Variants in TRPM3 observed in about 807,000 individuals in gnomAD.
The protein encoded by TRPM3 is transient receptor potential cation channel subfamily M member 3, also known as long transient receptor potential channel 3.
Under a neutral mutation model 181.2 loss-of-function variants are expected in TRPM3, and 77 were observed. The observed-to-expected ratio is 0.42, with a 90% CI of 0.35 to 0.51. The LOEUF (loss-of-function observed/expected upper bound fraction) is 0.51. Ranked by LOEUF, TRPM3 falls within the 20% of genes least tolerant of loss-of-function variation. The probability of loss-of-function intolerance (pLI) is 0.01; values close to 1 mark genes in which losing one functional copy is unlikely to be tolerated. For missense variants in TRPM3, 1,759 were observed against 2,196.7 expected (o/e 0.80, Z 3.98); for synonymous variants, 745 against 796.4 (o/e 0.94, Z 1.09).
chr9:71,341,989 A>T (rs1207727732), intron 1 of TRPM3, among the ~76,000 whole-genome samples: 5 of 151,826 alleles, frequency 3.3e-5, no homozygotes, highest in Admixed American at 1.3e-4. Context: ...TGAGCAAAAG[A>T]CAGGAACAAT....
At chr9:70,605,881 C>T (rs1189482443) in intron 19 of TRPM3, among the ~76,000 whole-genome samples, 1 of 152,198 alleles carries the variant, frequency 6.6e-6, no homozygotes, top group African/African-American at 2.4e-5. Flanking sequence ...ATTATCTTCT[C>T]TTGTCATATG....
At chr9:71,151,540 C>A (rs1019954146) in intron 1 of TRPM3, among the ~76,000 whole-genome samples, 1 of 151,884 alleles carries the variant, frequency 6.6e-6, no homozygotes, top group South Asian at 2.1e-4. Context: ...CTATGAAGGG[C>A]AATTTGGCCA....
chr9:71,191,509 T>C (rs1033915737), intron 1 of TRPM3, among the ~76,000 whole-genome samples: 1 of 151,742 alleles, frequency 6.6e-6, no homozygotes, highest in Admixed American at 6.6e-5. Context: ...TTGTCGTCCT[T>C]CTTTTTCATT....
chr9:70,828,486 T>C (rs2093688773), intron 5 of TRPM3, among the ~76,000 whole-genome samples: 1 of 151,658 alleles, frequency 6.6e-6, no homozygotes, highest in Non-Finnish European at 1.5e-5. Flanking sequence ...GTCAATCTCA[T>C]TCAGTAATTT....
At chr9:70,690,684 A>C (rs982880419) in intron 8 of TRPM3, among the ~76,000 whole-genome samples, 1 of 152,188 alleles carries the variant, frequency 6.6e-6, no homozygotes, top group Non-Finnish European at 1.5e-5. Flanking sequence ...ATAATTTGAA[A>C]TAATGCAGCA....
At chr9:70,802,047 A>G (rs1435309017) in intron 6 of TRPM3, among the ~76,000 whole-genome samples, 1 of 152,196 alleles carries the variant, frequency 6.6e-6, no homozygotes, top group Non-Finnish European at 1.5e-5. Context: ...ATAAGACCTG[A>G]GAATGTACAT....
chr9:71,375,090 A>T (rs1420256664), intron 1 of TRPM3, among the ~76,000 whole-genome samples: 1 of 152,180 alleles, frequency 6.6e-6, no homozygotes. Context: ...AGAAAAAACT[A>T]TTTTAATATT....
At chr9:71,157,746 AC>A (rs2076078722) in intron 1 of TRPM3, among the ~76,000 whole-genome samples, 1 of 152,156 alleles carries the variant, frequency 6.6e-6, no homozygotes, top group Admixed American at 6.6e-5. Context: ...CATTTAACTG[AC>A]AATATTTGAC....
chr9:71,057,503 G>A (rs187126390), intron 1 of TRPM3, among the ~76,000 whole-genome samples: 249 of 152,104 alleles, frequency 1.6e-3, no homozygotes, highest in Non-Finnish European at 1.8e-3. Context: ...TTCTATAGGT[G>A]TGCCATTGTG....
At chr9:71,068,300 T>G (rs1414634906) in intron 1 of TRPM3, among the ~76,000 whole-genome samples, 2 of 152,208 alleles carry the variant, frequency 1.3e-5, no homozygotes, top group Admixed American at 6.5e-5. Flanking sequence ...CTTATTTATA[T>G]GCTAATTTGC....
At chr9:70,824,971 C>G (rs2093459646) in intron 6 of TRPM3, 1 of 152,164 alleles carries the variant, frequency 6.6e-6, no homozygotes, top group Non-Finnish European at 1.5e-5. Flanking sequence ...CCTGCTTTAC[C>G]TACTTCAAAG....
At chr9:70,752,171 G>T (rs1413222035) in intron 8 of TRPM3, among the ~76,000 whole-genome samples, 1 of 152,140 alleles carries the variant, frequency 6.6e-6, no homozygotes, top group Non-Finnish European at 1.5e-5. Flanking sequence ...AGTGTGACTT[G>T]CCCTATCATA....
intron 8 of TRPM3, among the ~76,000 whole-genome samples, chr9:70,683,873 A>AC (rs1412385609): frequency 3.3e-5 from 5 of 152,184 alleles, no homozygotes; most frequent in Non-Finnish European, 5.9e-5. Flanking sequence ...TGGAGAAAGA[A>AC]CCAGGGGACA....
intron 11 of TRPM3, among the ~76,000 whole-genome samples, chr9:70,635,918 G>A (rs1249244775): frequency 3.9e-5 from 6 of 152,124 alleles, no homozygotes; most frequent in Admixed American, 6.5e-5. Flanking sequence ...TTTTGCAGCC[G>A]GGGGCTGGGA....
chr9:71,306,950 T>C lies in TRPM3; in HGVS notation c.183+139703A>G, dbSNP rs1240114236. ...ATTGTTCCTTATGTATCACTGTTAC[T>C]ATCTGTAAAATATCTTTGACATTAC... On this transcript the variant is annotated intron_variant, in intron 1 of 24. Coordinates refer to the TRPM3 transcript ENST00000357533. Among the ~76,000 whole-genome samples, 3 of 152,270 alleles carry C rather than the reference T, an allele frequency of 2.0e-5. No individual in the cohort carries two copies. In the South Asian group the frequency reaches 6.2e-4, roughly 31 times the overall value.
intron 1 of TRPM3, among the ~76,000 whole-genome samples, chr9:71,261,195 T>C (rs1271149618): frequency 6.6e-6 from 1 of 152,210 alleles, no homozygotes. Context: ...GGAGGCTTTG[T>C]TCATTCCTTT....
intron 20 of TRPM3, among the ~76,000 whole-genome samples, chr9:70,599,837 T>C (rs1422639716): frequency 2.0e-5 from 3 of 152,244 alleles, no homozygotes; most frequent in Non-Finnish European, 4.4e-5. Context: ...TATATGTATG[T>C]GTGTATGAGT....
intron 1 of TRPM3, among the ~76,000 whole-genome samples, chr9:70,940,950 A>AAAT (rs2096880162): frequency 6.6e-6 from 1 of 152,242 alleles, no homozygotes; most frequent in Non-Finnish European, 1.5e-5. Flanking sequence ...TTTCTCTTTA[A>AAAT]AATAATGAAC....
intron 1 of TRPM3, among the ~76,000 whole-genome samples, chr9:70,876,187 C>T (rs933863160): frequency 6.6e-6 from 1 of 151,632 alleles, no homozygotes; most frequent in Non-Finnish European, 1.5e-5. Flanking sequence ...CTATATCTTA[C>T]TGATTTATTC....
Sources: allele counts gnomAD v4.1 joint callset (sites outside exome capture counted in the v4.1 genomes callset), GRCh38; gene constraint gnomAD v4.1.1; transcripts MANE v1.5; gene names NCBI Gene and HGNC (gene_info 2026-07-23, HGNC 2026-07-21).